METAP1D: variants seen among roughly 807,000 people sequenced by gnomAD.
The protein encoded by METAP1D is methionine aminopeptidase 1D, mitochondrial.
In METAP1D, 31 loss-of-function variants were observed where a neutral mutation model predicts 40.5. The observed-to-expected ratio is 0.77, with a 90% confidence interval of 0.58 to 1.03. METAP1D has a LOEUF of 1.03. Ranked by LOEUF, METAP1D falls within the 50% of genes least tolerant of loss-of-function variation. The pLI is 0.00. For missense variants in METAP1D, 411 were observed against 420.7 expected, an observed-to-expected ratio of 0.98 and a Z score of 0.20; for synonymous variants, 151 against 146.4, an observed-to-expected ratio of 1.03 and a Z score of -0.22.
chr2:172,045,958 G>A (rs146699062), intron 1 of METAP1D, among the ~76,000 whole-genome samples: 2,602 of 142,436 alleles, frequency 0.018, 56 homozygotes, highest in Admixed American at 0.069. Context: ...TACTCTTGGG[G>A]CTCAGCCTCA....
At chr2:172,036,081 G>A (rs1689369370) in intron 1 of METAP1D, among the ~76,000 whole-genome samples, 1 of 151,976 alleles carries the variant, frequency 6.6e-6, no homozygotes, top group African/African-American at 2.4e-5. Context: ...ACTTTGGGAG[G>A]CCAAGGTGGG....
intron 1 of METAP1D, among the ~76,000 whole-genome samples, chr2:172,039,776 T>C (rs1311972979): frequency 1.3e-5 from 2 of 151,234 alleles, no homozygotes; most frequent in African/African-American, 4.9e-5. Flanking sequence ...CTAAAGCAAT[T>C]CTCCTGCCTC....
At chr2:172,067,113 GA>G (rs2105484447) in intron 5 of METAP1D, among the ~76,000 whole-genome samples, 1 of 152,278 alleles carries the variant, frequency 6.6e-6, no homozygotes, top group East Asian at 1.9e-4. Flanking sequence ...ATTTTGTAAT[GA>G]TACCTTTGGA....
chr2:172,037,280 T>A (rs1193162597), intron 1 of METAP1D, among the ~76,000 whole-genome samples: 1 of 150,556 alleles, frequency 6.6e-6, no homozygotes, highest in Non-Finnish European at 1.5e-5. Context: ...AAAAAAAGTC[T>A]AGGTTTTACT....
At chr2:172,030,502 T>C (rs1478407397) in intron 1 of METAP1D, among the ~76,000 whole-genome samples, 1 of 152,188 alleles carries the variant, frequency 6.6e-6, no homozygotes, top group Non-Finnish European at 1.5e-5. Context: ...TACCATGTTA[T>C]AGAGGGATAT....
intron 8 of METAP1D, among the ~76,000 whole-genome samples, chr2:172,079,468 C>T (rs1273479741): frequency 6.6e-6 from 1 of 152,238 alleles, no homozygotes; most frequent in Non-Finnish European, 1.5e-5. Flanking sequence ...GAGAAGGCAG[C>T]CATCCAACCT....
chr2:172,040,906 C>G (rs34054371), intron 1 of METAP1D, among the ~76,000 whole-genome samples: 66,295 of 151,456 alleles, frequency 0.44, 15,001 homozygotes, highest in African/African-American at 0.56. Flanking sequence ...ACCACCACGC[C>G]CGGCTAACTT....
chr2:172,080,141 G>A lies in METAP1D; in HGVS notation c.864G>A (p.Thr288=), dbSNP rs1234616560. The stretch of plus-strand genomic sequence containing the variant: ...TTCCTCTTACAGAGCCAATCATCAC[G>A]GAGGGATCCCCTGAATTTAAAGTCC... ...GMAFTIEPII[T]EGSPEFKVLE... Residue 288 remains threonine, a synonymous_variant, in exon 9 of 10, where the codon ACG becomes ACA. Coordinates refer to ENST00000315796, the MANE Select transcript of METAP1D (RefSeq NM_199227.3). 1 of 1,614,074 alleles carries A rather than the reference G, an allele frequency of 6.2e-7. No homozygotes were observed. Among genetic ancestry groups the A allele is most frequent in the Non-Finnish European group, 8.5e-7 (1 of 1,179,932 alleles).
chr2:172,030,021 G>T (rs1289304400), intron 1 of METAP1D, among the ~76,000 whole-genome samples: 1 of 152,014 alleles, frequency 6.6e-6, no homozygotes, highest in Non-Finnish European at 1.5e-5. Flanking sequence ...CTCCCAAGGT[G>T]CTGGGATTAC....
intron 1 of METAP1D, among the ~76,000 whole-genome samples, chr2:172,029,330 G>A (rs1202013413): frequency 6.6e-6 from 1 of 152,190 alleles, no homozygotes. Context: ...GGCTGAGGTG[G>A]GAGAATTGCT....
intron 1 of METAP1D, among the ~76,000 whole-genome samples, chr2:172,007,109 T>A (rs1019883961): frequency 7.1e-6 from 1 of 140,056 alleles, no homozygotes; most frequent in Admixed American, 7.2e-5. Flanking sequence ...TTTTGTTGAC[T>A]GCTGTTTTTT....
rs1264664468 is a variant in METAP1D, at chr2:172,034,092, AAC to A, written c.41-27404_41-27403del. Among the ~76,000 whole-genome samples, 5,835 of 140,878 alleles carry A rather than the reference AAC, an allele frequency of 0.041. 631 individuals carry two copies. In the East Asian group the frequency reaches 0.42, roughly 10 times the overall value. 92.4% of individuals were successfully genotyped at this position (140,878 alleles called of 152,430 possible). A position where few individuals can be genotyped will look rare whatever the true frequency, so the allele number is the denominator to read the frequency against. ...ACTTCATCTCAAAAAAAAAAAAAAA[AAC>A]AAAAGTCCTCATCTTTTGGATGTAC... On this transcript the variant is annotated intron_variant, in intron 1 of 9. Transcript: ENST00000315796.
rs145972030 is a variant in METAP1D at position 172,042,991 on chromosome 2, GTGTGTACACATATATGTGTA to G, written c.41-18485_41-18466del. 3.3e-4 allele frequency among the ~76,000 whole-genome samples: 38 copies of G among 116,586 alleles called. 4 individuals are homozygous for G. Among genetic ancestry groups the G allele is most frequent in the African/African-American group, 8.6e-4 (32 of 37,150 alleles). The allele number at this position is 116,586 out of a possible 152,430, so 76.5% of individuals were successfully genotyped here. A position where few individuals can be genotyped will look rare whatever the true frequency, so the allele number is the denominator to read the frequency against. ...CGTACATGTGCATACATATGTGTGC[GTGTGTACACATATATGTGTA>G]TGTGTACACATATATGTGTATATGT... is the stretch of plus-strand genomic sequence containing the variant. On this transcript the variant is annotated intron_variant, in intron 1 of 9. Coordinates refer to ENST00000315796, the MANE Select transcript of METAP1D (RefSeq NM_199227.3).
chr2:172,022,574 C>T (rs1689031678), intron 1 of METAP1D, among the ~76,000 whole-genome samples: 1 of 152,014 alleles, frequency 6.6e-6, no homozygotes, highest in Non-Finnish European at 1.5e-5. Flanking sequence ...ACTGCCTTTG[C>T]TTGCATAAGT....
intron 1 of METAP1D, among the ~76,000 whole-genome samples, chr2:172,025,333 A>G (rs192898668): frequency 6.6e-6 from 1 of 152,154 alleles, no homozygotes; most frequent in East Asian, 1.9e-4. Flanking sequence ...AAAAATTATT[A>G]TTATTATTAT....
chr2:172,063,717 A>G lies in METAP1D; in HGVS notation c.205A>G (p.Lys69Glu), dbSNP rs1217998576. The change falls in exon 3 of 10, where the codon AAG becomes GAG. Residue 69 changes from lysine to glutamate, a missense_variant. By Grantham distance (56) the Lys-to-Glu change is moderately conservative (BLOSUM62 1). Transcript: ENST00000315796. ...TCAATCCTTTTTCCTCAAGCACATA[A>G]AGAAGCCAGACTATGTGACGACAGG... The part of the protein sequence containing the change: ...SSAHPVPKHI[K>E]KPDYVTTGIV... 6.2e-7 allele frequency: 1 copy of G among 1,610,250 alleles called. No individual in the cohort carries two copies. The highest frequency in any genetic ancestry group is 2.2e-5 in the East Asian group (1 of 44,856).
At chr2:172,066,164 C>A in intron 4 of METAP1D, 100 bp from the exon 5 acceptor site, 1 of 871,376 alleles carries the variant, frequency 1.1e-6, no homozygotes, top group Non-Finnish European at 1.8e-6. Context: ...ATTATCACTG[C>A]ATCCCATTGG....
intron 1 of METAP1D, among the ~76,000 whole-genome samples, chr2:172,017,273 C>CGT (rs1688891383): frequency 1.4e-5 from 2 of 146,366 alleles, no homozygotes; most frequent in Admixed American, 6.8e-5. Context: ...CACACACACA[C>CGT]ATTTTATATA....
chr2:172,024,378 A>G (rs1689075605), intron 1 of METAP1D, among the ~76,000 whole-genome samples: 1 of 152,020 alleles, frequency 6.6e-6, no homozygotes, highest in South Asian at 2.1e-4. Context: ...AAATGTACCC[A>G]CCTCATACTT....
Sources: gnomAD v4.1 joint callset for allele counts (sites outside exome capture counted in the v4.1 genomes callset) on GRCh38, gnomAD v4.1.1 for gene constraint, MANE v1.5 for transcripts, NCBI Gene and HGNC (gene_info 2026-07-23, HGNC 2026-07-21) for gene names.